BMPER: variants seen among roughly 807,000 people sequenced by gnomAD.
The protein encoded by BMPER is BMP-binding endothelial regulator protein.
A neutral mutation model predicts 87.3 loss-of-function variants in BMPER; 45 were observed. That is an observed-to-expected ratio of 0.52 (90% confidence interval 0.41 to 0.66). The LOEUF is 0.66. Ranked by LOEUF, BMPER falls within the 30% of genes least tolerant of loss-of-function variation. BMPER has a pLI of 0.00. For synonymous variants in BMPER, 326 were observed against 316.2 expected, an observed-to-expected ratio of 1.03 and a Z score of -0.33; for missense variants, 784 against 867.5, an observed-to-expected ratio of 0.90 and a Z score of 1.21.
chr7:34,037,966 G>A (rs569528117), intron 6 of BMPER, among the ~76,000 whole-genome samples: 1 of 152,280 alleles, frequency 6.6e-6, no homozygotes, highest in East Asian at 1.9e-4. Flanking sequence ...TTGGTGAGGT[G>A]TGTTGTAGTC....
At chr7:33,975,841 T>A (rs1157864052) in intron 6 of BMPER, among the ~76,000 whole-genome samples, 1 of 152,130 alleles carries the variant, frequency 6.6e-6, no homozygotes, top group African/African-American at 2.4e-5. Context: ...TTCGAAAATC[T>A]TTCCTCCTTC....
At chr7:34,149,403 C>T (rs530025665) in intron 14 of BMPER, among the ~76,000 whole-genome samples, 4 of 152,018 alleles carry the variant, frequency 2.6e-5, no homozygotes, top group South Asian at 4.1e-4. Flanking sequence ...AGGCATCTTG[C>T]GGGGATATCC....
chr7:34,105,594 T>C lies in BMPER; in HGVS notation c.1745+19502T>C, dbSNP rs373491381. On this transcript the variant is annotated intron_variant, in intron 13 of 14. Coordinates refer to ENST00000649409, the MANE Select transcript of BMPER (RefSeq NM_001365308.1). ...TTTCCAATGGAGGATGAAATCATTTTTGATAGGTGGATTCCTTAGTGAGGA... is the reference window on the plus strand; with the variant it reads ...TTTCCAATGGAGGATGAAATCATTTCTGATAGGTGGATTCCTTAGTGAGGA... 8.1e-4 allele frequency among the ~76,000 whole-genome samples: 123 copies of C among 152,316 alleles called. No homozygotes were observed. In the South Asian group the frequency reaches 0.024, roughly 30 times the overall value.
intron 3 of BMPER, among the ~76,000 whole-genome samples, chr7:33,956,688 C>G (rs1198396314): frequency 1.3e-5 from 2 of 152,158 alleles, no homozygotes; most frequent in East Asian, 3.8e-4. Flanking sequence ...TTATCCACTT[C>G]TACTTAATGA....
chr7:34,039,144 A>G (rs1277060592), intron 6 of BMPER, among the ~76,000 whole-genome samples: 2 of 152,198 alleles, frequency 1.3e-5, no homozygotes, highest in Non-Finnish European at 2.9e-5. Context: ...CATCCTTCAG[A>G]ACACTTGTCT....
At chr7:33,980,670 C>T (rs1012911115) in intron 6 of BMPER, among the ~76,000 whole-genome samples, 1 of 152,136 alleles carries the variant, frequency 6.6e-6, no homozygotes, top group African/African-American at 2.4e-5. Flanking sequence ...GAGTATAGCC[C>T]ACAGAGTGGT....
At chr7:34,054,482 C>G (rs956760559) in intron 8 of BMPER, among the ~76,000 whole-genome samples, 1 of 152,124 alleles carries the variant, frequency 6.6e-6, no homozygotes, top group Non-Finnish European at 1.5e-5. Flanking sequence ...GCACAGTAAA[C>G]CTGAGAAACA....
At chr7:33,971,957 C>T (rs1785559680) in intron 5 of BMPER, among the ~76,000 whole-genome samples, 1 of 152,144 alleles carries the variant, frequency 6.6e-6, no homozygotes, top group African/African-American at 2.4e-5. Flanking sequence ...GGCTGAAGTA[C>T]AGTGGTGTGA....
At chr7:33,926,779 C>T (rs1429790517) in intron 2 of BMPER, among the ~76,000 whole-genome samples, 1 of 152,236 alleles carries the variant, frequency 6.6e-6, no homozygotes, top group Non-Finnish European at 1.5e-5. Context: ...CTGTCCAAGG[C>T]TGACATTTTC....
At chr7:33,927,052 A>G (rs1045342961) in intron 2 of BMPER, among the ~76,000 whole-genome samples, 13 of 152,230 alleles carry the variant, frequency 8.5e-5, no homozygotes, top group African/African-American at 3.1e-4. Context: ...GTCAGGGTCA[A>G]TTGTGCAGAT....
intron 6 of BMPER, among the ~76,000 whole-genome samples, chr7:33,997,628 C>T (rs1436031215): frequency 1.3e-5 from 2 of 152,174 alleles, no homozygotes; most frequent in African/African-American, 4.8e-5. Context: ...ATAAATTACC[C>T]AGTCTTGGGT....
chr7:33,994,911 T>A (rs1340503733), intron 6 of BMPER, among the ~76,000 whole-genome samples: 2 of 152,160 alleles, frequency 1.3e-5, no homozygotes, highest in African/African-American at 4.8e-5. Flanking sequence ...AATATCTCAA[T>A]TCAGAAAGGG....
intron 13 of BMPER, among the ~76,000 whole-genome samples, chr7:34,129,083 G>A (rs895408446): frequency 6.6e-6 from 1 of 152,206 alleles, no homozygotes; most frequent in East Asian, 1.9e-4. Flanking sequence ...AAATATTTAG[G>A]AAGAAAACAT....
chr7:33,981,745 C>G (rs1785868123), intron 6 of BMPER, among the ~76,000 whole-genome samples: 1 of 152,154 alleles, frequency 6.6e-6, no homozygotes, highest in South Asian at 2.1e-4. Context: ...TAGTCTTTAC[C>G]AATTCGGCAG....
rs117042611 is a variant in BMPER at position 33,985,508 on chromosome 7, A to G, written c.576+10724A>G. On this transcript the variant is annotated intron_variant, in intron 6 of 14. Transcript: ENST00000649409. ...TGTTTCTCTGATTATTTCTTTGGCT[A>G]AGTTCTATAATTAGTGGGTCAACGA... is the stretch of plus-strand genomic sequence containing the variant. 6.7e-3 allele frequency among the ~76,000 whole-genome samples: 1,026 copies of G among 152,254 alleles called. 27 individuals carry two copies. Among genetic ancestry groups the G allele is most frequent in the Admixed American group, 0.053 (807 of 15,294 alleles).
chr7:33,978,669 C>T (rs79763542), intron 6 of BMPER, among the ~76,000 whole-genome samples: 89 of 152,212 alleles, frequency 5.8e-4, no homozygotes, highest in African/African-American at 1.9e-3. Context: ...TCTCAACTTA[C>T]GGTGGAGTTA....
intron 11 of BMPER, among the ~76,000 whole-genome samples, chr7:34,071,289 T>C (rs1314472022): frequency 6.6e-6 from 1 of 152,228 alleles, no homozygotes; most frequent in African/African-American, 2.4e-5. Flanking sequence ...TAATGACTAC[T>C]CTGAGTATCT....
At chr7:33,962,049 T>C (rs1364357737) in intron 3 of BMPER, among the ~76,000 whole-genome samples, 1 of 152,198 alleles carries the variant, frequency 6.6e-6, no homozygotes, top group African/African-American at 2.4e-5. Flanking sequence ...AATGCCATTT[T>C]TTATGGTCCT....
At chr7:33,926,192 A>G (rs1784356273) in intron 2 of BMPER, among the ~76,000 whole-genome samples, 1 of 152,238 alleles carries the variant, frequency 6.6e-6, no homozygotes, top group Admixed American at 6.5e-5. Context: ...GCTCAAAAAT[A>G]TTAGTTAAAC....
Sources: allele counts gnomAD v4.1 joint callset (sites outside exome capture counted in the v4.1 genomes callset), GRCh38; gene constraint gnomAD v4.1.1; transcripts MANE v1.5; gene names NCBI Gene and HGNC (gene_info 2026-07-23, HGNC 2026-07-21).